SPAG16: variants seen among roughly 807,000 people sequenced by gnomAD.
SPAG16 encodes the protein sperm associated antigen 16, also known as sperm-associated antigen 16 protein.
SPAG16 carries 86 observed loss-of-function variants against 80.4 expected under a neutral mutation model. That is an observed-to-expected ratio of 1.07 (90% CI 0.90 to 1.28). The LOEUF is 1.28. Among genes scored for constraint, SPAG16 ranks in the 50% most tolerant of loss-of-function variants. The pLI, the probability that SPAG16 is intolerant of heterozygous loss-of-function variation, is 0.00. For synonymous variants in SPAG16, 294 were observed against 265.9 expected (o/e 1.11, Z -1.03); for missense variants, 870 against 765.3 (o/e 1.14, Z -1.61).
intron 5 of SPAG16, among the ~76,000 whole-genome samples, chr2:213,335,022 A>G (rs922610612): frequency 6.6e-6 from 1 of 152,216 alleles, no homozygotes. Flanking sequence ...TTACACATGC[A>G]TGCCTGTTTC....
At chr2:213,380,088 C>T (rs995530076) in intron 9 of SPAG16, among the ~76,000 whole-genome samples, 2 of 152,182 alleles carry the variant, frequency 1.3e-5, no homozygotes, top group African/African-American at 2.4e-5. Context: ...ATTTTCCAAT[C>T]GTGCTTCTTT....
chr2:213,580,804 T>A (rs77652507), intron 10 of SPAG16, among the ~76,000 whole-genome samples: 2,300 of 152,286 alleles, frequency 0.015, 28 homozygotes, highest in South Asian at 0.052. Context: ...TTTTTATTTA[T>A]CATTTTAATA....
chr2:214,175,243 A>ATG (rs563515431), intron 15 of SPAG16, among the ~76,000 whole-genome samples: 5 of 81,070 alleles, frequency 6.2e-5, no homozygotes, highest in African/African-American at 1.7e-4. Flanking sequence ...ATATAAAGAA[A>ATG]TGTATATATA....
chr2:213,805,070 AT>A (rs2071683977), intron 10 of SPAG16, among the ~76,000 whole-genome samples: 1 of 152,232 alleles, frequency 6.6e-6, no homozygotes, highest in African/African-American at 2.4e-5. Flanking sequence ...AGGAGTATAA[AT>A]GTCAAAGAGA....
intron 10 of SPAG16, among the ~76,000 whole-genome samples, chr2:213,537,458 A>G (rs2076290008): frequency 6.6e-6 from 1 of 152,026 alleles, no homozygotes; most frequent in Admixed American, 6.6e-5. Flanking sequence ...ATTTTATTAA[A>G]ATGATCACAT....
rs68152101 is a variant in SPAG16, at chr2:213,694,042, CAAAAAA to C, written c.1071-168436_1071-168431del. 3.2e-4 allele frequency among the ~76,000 whole-genome samples: 39 copies of C among 121,382 alleles called. 1 individual carries two copies. The South Asian group carries it at 9.7e-3, about 30-fold the overall frequency. 79.6% of individuals were successfully genotyped at this position (121,382 alleles called of 152,430 possible). A position where few individuals can be genotyped will look rare whatever the true frequency, so the allele number is the denominator to read the frequency against. ...TCATTCTTTGGTGCTTTATGCAAGA[CAAAAAA>C]AAAAAAGAAAAAAGAGAGGGAGAGA... On this transcript the variant is annotated intron_variant, in intron 10 of 15. Coordinates refer to ENST00000331683, the MANE Select transcript of SPAG16 (RefSeq NM_024532.5).
intron 9 of SPAG16, among the ~76,000 whole-genome samples, chr2:213,401,151 C>T (rs2068288199): frequency 6.6e-6 from 1 of 152,192 alleles, no homozygotes; most frequent in African/African-American, 2.4e-5. Flanking sequence ...GGCCATGTAA[C>T]TTATTTTGGT....
intron 15 of SPAG16, among the ~76,000 whole-genome samples, chr2:214,153,582 A>G (rs1385529033): frequency 6.6e-6 from 1 of 152,132 alleles, no homozygotes; most frequent in African/African-American, 2.4e-5. Context: ...AGGTCAACTC[A>G]TTCCTTTTAG....
intron 10 of SPAG16, 121 bp downstream of exon 10, chr2:213,490,211 A>AG: frequency 2.2e-6 from 2 of 923,786 alleles, no homozygotes; most frequent in Non-Finnish European, 3.1e-6. Flanking sequence ...ATTGCTACTC[A>AG]TAGCATGAAA....
chr2:213,499,492 G>C (rs2074643838), intron 10 of SPAG16, among the ~76,000 whole-genome samples: 1 of 152,110 alleles, frequency 6.6e-6, no homozygotes, highest in Admixed American at 6.6e-5. Flanking sequence ...CATGACTTAA[G>C]TTATTATGAG....
At chr2:214,207,982 T>C (rs527749757) in intron 15 of SPAG16, among the ~76,000 whole-genome samples, 1 of 152,316 alleles carries the variant, frequency 6.6e-6, no homozygotes, top group South Asian at 2.1e-4. Flanking sequence ...ACTGTCAGCT[T>C]CCCTACTTTT....
At chr2:214,394,243 T>C (rs1202552971) in intron 15 of SPAG16, among the ~76,000 whole-genome samples, 1 of 152,168 alleles carries the variant, frequency 6.6e-6, no homozygotes, top group Non-Finnish European at 1.5e-5. Flanking sequence ...GTAAGATCTA[T>C]ACAGTGATGA....
intron 15 of SPAG16, among the ~76,000 whole-genome samples, chr2:214,218,160 G>C (rs1335809926): frequency 6.6e-6 from 1 of 152,014 alleles, no homozygotes; most frequent in East Asian, 1.9e-4. Context: ...GAAAGACTTC[G>C]ATTCTTACAT....
chr2:214,041,964 GTGTGTC>G (rs1280167086), intron 13 of SPAG16, among the ~76,000 whole-genome samples: 1 of 65,968 alleles, frequency 1.5e-5, no homozygotes, highest in African/African-American at 4.4e-5. Context: ...GTATATATTT[GTGTGTC>G]TGTGTGTGTA....
At chr2:213,830,138 C>T (rs2073546896) in intron 10 of SPAG16, among the ~76,000 whole-genome samples, 1 of 152,144 alleles carries the variant, frequency 6.6e-6, no homozygotes, top group African/African-American at 2.4e-5. Flanking sequence ...AACCCCAGAG[C>T]CGTTTAGCCC....
chr2:213,330,849 G>A (rs527566832), intron 5 of SPAG16, among the ~76,000 whole-genome samples: 71 of 152,280 alleles, frequency 4.7e-4, no homozygotes, highest in African/African-American at 1.7e-3. Flanking sequence ...TGCTGTTCTT[G>A]TGACAGCAAA....
intron 10 of SPAG16, among the ~76,000 whole-genome samples, chr2:213,507,755 C>T (rs1219229488): frequency 2.6e-5 from 4 of 152,198 alleles, no homozygotes; most frequent in East Asian, 1.9e-4. Context: ...CAGGATGATT[C>T]GATCTCCCCA....
intron 15 of SPAG16, among the ~76,000 whole-genome samples, chr2:214,237,008 T>G (rs1161968188): frequency 6.6e-6 from 1 of 152,318 alleles, no homozygotes; most frequent in African/African-American, 2.4e-5. Context: ...AATGTATAAT[T>G]GTGATCCTTA....
chr2:214,304,813 T>G (rs1694802077), intron 15 of SPAG16, among the ~76,000 whole-genome samples: 1 of 152,184 alleles, frequency 6.6e-6, no homozygotes, highest in Non-Finnish European at 1.5e-5. Context: ...GTCTTTGCTG[T>G]GTGAGTAGTA....
Sources: allele counts gnomAD v4.1 joint callset (sites outside exome capture counted in the v4.1 genomes callset), GRCh38; gene constraint gnomAD v4.1.1; transcripts MANE v1.5; gene names NCBI Gene and HGNC (gene_info 2026-07-23, HGNC 2026-07-21).